PCDHA2: variants seen among roughly 807,000 people sequenced by gnomAD.
PCDHA2 encodes the protein protocadherin alpha 2.
PCDHA2 carries 58 observed loss-of-function variants against 66.0 expected under a neutral mutation model. That is an observed-to-expected ratio of 0.88 (90% CI 0.71 to 1.09). The LOEUF is 1.09. PCDHA2 is among the 50% of genes least tolerant of loss of function. PCDHA2 has a pLI of 0.00. For synonymous variants in PCDHA2, 634 were observed against 554.0 expected, an observed-to-expected ratio of 1.14 and a Z score of -2.03; for missense variants, 1,267 against 1,242.3, an observed-to-expected ratio of 1.02 and a Z score of -0.30.
At chr5:140,883,760 C>T (rs199864330) in intron 1 of PCDHA2, 18 of 1,612,790 alleles carry the variant, frequency 1.1e-5, no homozygotes, top group Non-Finnish European at 1.4e-5. Context: ...GGTGGAGCGG[C>T]GGGTGGGCGA....
chr5:140,859,141 A>T (rs1275943443), intron 1 of PCDHA2: 1 of 150,200 alleles, frequency 6.7e-6, no homozygotes, highest in African/African-American at 2.4e-5. Context: ...ACATAATTTT[A>T]TCCAGTAGCT....
chr5:140,875,915 TG>T, intron 1 of PCDHA2: 1 of 1,614,214 alleles, frequency 6.2e-7, no homozygotes, highest in Non-Finnish European at 8.5e-7. Context: ...TCTGCGCCTC[TG>T]GACTCTCATT....
chr5:140,960,606 T>C (rs565459983), intron 1 of PCDHA2, among the ~76,000 whole-genome samples: 2 of 152,176 alleles, frequency 1.3e-5, no homozygotes, highest in African/African-American at 4.8e-5. Context: ...ACTTCAACAA[T>C]ATCTAGTGTG....
intron 1 of PCDHA2, among the ~76,000 whole-genome samples, chr5:140,885,242 A>G (rs1481024816): frequency 6.6e-6 from 1 of 152,038 alleles, no homozygotes; most frequent in Non-Finnish European, 1.5e-5. Context: ...TCAATTTTTT[A>G]TTTGCATTCA....
chr5:140,987,138 C>T (rs2097231368), intron 3 of PCDHA2, among the ~76,000 whole-genome samples: 1 of 151,182 alleles, frequency 6.6e-6, no homozygotes, highest in Non-Finnish European at 1.5e-5. Context: ...TGCTTGAACT[C>T]GGGAGGTGGA....
At chr5:140,876,883 G>A in intron 1 of PCDHA2, 2 of 1,614,132 alleles carry the variant, frequency 1.2e-6, no homozygotes, top group Non-Finnish European at 1.7e-6. Context: ...CAACCCGCCG[G>A]GCTGCCACAT....
intron 1 of PCDHA2, chr5:140,801,769 C>T: frequency 6.2e-7 from 1 of 1,613,918 alleles, no homozygotes; most frequent in African/African-American, 1.3e-5. Context: ...GAAATTAAAT[C>T]CCTTGGACTC....
intron 1 of PCDHA2, among the ~76,000 whole-genome samples, chr5:140,806,491 G>T (rs2149990954): frequency 6.6e-6 from 1 of 152,242 alleles, no homozygotes; most frequent in South Asian, 2.1e-4. Flanking sequence ...GCCCTGACAT[G>T]ACTCAAGGAA....
At chr5:140,875,292 T>C in intron 1 of PCDHA2, 1 of 1,401,900 alleles carries the variant, frequency 7.1e-7, no homozygotes, top group Non-Finnish European at 9.3e-7. Context: ...ACAGGAAAAT[T>C]TTTTTCTCCG....
Position 140,855,963 on chromosome 5 carries a change from A to T in PCDHA2, c.2388+58611A>T, listed in dbSNP as rs1291137660. The stretch of plus-strand genomic sequence containing the variant: ...TCTCAGCCATTTCGATAAAAAATAG[A>T]TATAAGAAATAGGACAGAAAATGTC... On this transcript the variant is annotated intron_variant, in intron 1 of 3. Transcript: ENST00000526136. The T allele has an allele frequency of 2.8e-6, 4 of 1,404,280 alleles. No individual in the cohort carries two copies. In the African/African-American group the frequency reaches 5.7e-5, roughly 20 times the overall value. The allele number at this position is 1,404,280 out of a possible 1,614,324, so 87.0% of individuals were successfully genotyped here. A position where few individuals can be genotyped will look rare whatever the true frequency, so the allele number is the denominator to read the frequency against.
At chr5:140,857,599 C>T (rs2044712961) in intron 1 of PCDHA2, 1 of 1,596,308 alleles carries the variant, frequency 6.3e-7, no homozygotes, top group Non-Finnish European at 8.6e-7. Flanking sequence ...GCAAGGTGTA[C>T]GCGCTGCAGC....
chr5:140,889,063 A>G (rs1423499022), intron 1 of PCDHA2, among the ~76,000 whole-genome samples: 2 of 151,938 alleles, frequency 1.3e-5, no homozygotes, highest in Non-Finnish European at 2.9e-5. Context: ...CTTTTAATAT[A>G]CTACTTATTT....
chr5:140,883,960 G>A (rs2059914384), intron 1 of PCDHA2: 1 of 1,613,090 alleles, frequency 6.2e-7, no homozygotes. Context: ...ACGCTCCGGC[G>A]CTGCTGACGC....
chr5:140,919,957 G>GC (rs2079372992), intron 1 of PCDHA2, among the ~76,000 whole-genome samples: 1 of 148,640 alleles, frequency 6.7e-6, no homozygotes, highest in Non-Finnish European at 1.5e-5. Flanking sequence ...AGTTTGTTTT[G>GC]TTTTTTAAAT....
intron 1 of PCDHA2, chr5:140,842,865 G>T (rs146195620): frequency 0.01 from 16,276 of 1,593,984 alleles, 1,624 homozygotes; most frequent in Non-Finnish European, 0.012. Flanking sequence ...ACGGAGAGCG[G>T]CAAGGTGTAC....
At chr5:140,841,821 T>A in intron 1 of PCDHA2, 1 of 1,613,940 alleles carries the variant, frequency 6.2e-7, no homozygotes. Flanking sequence ...GCTAACTCCG[T>A]GTTAACCTAC....
intron 3 of PCDHA2, among the ~76,000 whole-genome samples, chr5:140,984,610 G>A (rs2097110934): frequency 6.6e-6 from 1 of 152,188 alleles, no homozygotes; most frequent in African/African-American, 2.4e-5. Flanking sequence ...CTCTGCATCA[G>A]TGGTGTAAAG....
At chr5:140,823,161 C>T (rs1767584592) in intron 1 of PCDHA2, 1 of 1,613,930 alleles carries the variant, frequency 6.2e-7, no homozygotes, top group Non-Finnish European at 8.5e-7. Context: ...ATACCGTGTT[C>T]GTGAAGGAGA....
At chr5:140,797,754 A>G (rs1762260029) in intron 1 of PCDHA2, among the ~76,000 whole-genome samples, 1 of 152,206 alleles carries the variant, frequency 6.6e-6, no homozygotes, top group African/African-American at 2.4e-5. Flanking sequence ...AATCTGTCGG[A>G]TAGTGTTTGG....
Sources: gnomAD v4.1 joint callset for allele counts (sites outside exome capture counted in the v4.1 genomes callset) on GRCh38, gnomAD v4.1.1 for gene constraint, MANE v1.5 for transcripts, NCBI Gene and HGNC (gene_info 2026-07-23, HGNC 2026-07-21) for gene names.